EXOSC9: variants seen among roughly 807,000 people sequenced by gnomAD.
EXOSC9 encodes the protein exosome component 9, also known as exosome complex component RRP45.
A neutral mutation model predicts 56.5 loss-of-function variants in EXOSC9; 38 were observed. The ratio of observed to expected loss-of-function variants is 0.67; its 90% CI spans 0.52 to 0.88. The LOEUF is 0.88. Ranked by LOEUF, EXOSC9 falls within the 40% of genes least tolerant of loss-of-function variation. EXOSC9 has a pLI of 0.00. For synonymous variants in EXOSC9, 170 were observed against 170.8 expected (o/e 0.99, Z 0.04); for missense variants, 559 against 530.5 (o/e 1.05, Z -0.53).
At chr4:121,816,247 C>G in intron 10 of EXOSC9, 122 bp from the exon 11 acceptor site, 1 of 650,056 alleles carries the variant, frequency 1.5e-6, no homozygotes, top group Non-Finnish European at 2.6e-6. Context: ...GTGTGAGCCA[C>G]CACGCCCAGC....
chr4:121,813,945 G>A lies in EXOSC9; in HGVS notation c.1054G>A (p.Asp352Asn). ...GVENSWGDLE[D>N]SEKEDDEGGG... ...AGAAAACTCCTGGGGTGATCTTGAA[G>A]ACTCTGAGAAGGAAGATGATGAAGG... Residue 352 changes from aspartate to asparagine, a missense_variant, in exon 10 of 12, where the codon GAC (aspartate) becomes AAC (asparagine). Transcript: ENST00000243498. 6.2e-7 allele frequency: 1 copy of A among 1,613,660 alleles called. No individual in the cohort carries two copies. Among genetic ancestry groups the A allele is most frequent in the African/African-American group, 1.3e-5 (1 of 75,014 alleles).
At chr4:121,815,552 C>A in intron 10 of EXOSC9, 6 of 985,184 alleles carry the variant, frequency 6.1e-6, no homozygotes, top group Non-Finnish European at 7.2e-6. Context: ...GAAAAATGGG[C>A]AAAATACATG....
Position 121,814,048 on chromosome 4 carries a change from GT to G in EXOSC9, c.1156+2del. On this transcript the variant is annotated splice_donor_variant, in intron 10 of 11. Transcript: ENST00000243498. LOFTEE classifies it high-confidence loss of function. ...GAAGTCTCTGATATTGGAAGCCAAG[GT>G]AGGTGACACTTTATGGCACACTTAC... 4 of 1,588,096 alleles carry G rather than the reference GT, an allele frequency of 2.5e-6. No homozygotes were observed. The highest frequency in any genetic ancestry group is 3.4e-6 in the Non-Finnish European group (4 of 1,170,400).
chr4:121,815,100 T>C (rs986489065), intron 10 of EXOSC9: 1 of 152,562 alleles, frequency 6.6e-6, no homozygotes, highest in Admixed American at 6.5e-5. Flanking sequence ...GGAAAAAATT[T>C]CCCATTGATT....
intron 5 of EXOSC9, among the ~76,000 whole-genome samples, chr4:121,805,408 A>G (rs1315918784): frequency 6.6e-6 from 1 of 152,240 alleles, no homozygotes; most frequent in Non-Finnish European, 1.5e-5. Context: ...TATATAAATT[A>G]CATGCTAGAA....
chr4:121,805,646 CT>C (rs1467643172), intron 5 of EXOSC9, among the ~76,000 whole-genome samples: 3 of 152,180 alleles, frequency 2.0e-5, no homozygotes, highest in South Asian at 2.1e-4. Context: ...AAAGCGATTA[CT>C]ACACTTGAAA....
At chr4:121,816,700 G>GAAATGCCTCTT (rs1314080185) in intron 11 of EXOSC9, 72 bp from the exon 12 acceptor site, 27 of 1,439,860 alleles carry the variant, frequency 1.9e-5, no homozygotes, top group Non-Finnish European at 2.4e-5. Context: ...GGAAAACTAA[G>GAAATGCCTCTT]AAATGCCTCT....
At chr4:121,808,876 C>T (rs1028126888) in intron 6 of EXOSC9, among the ~76,000 whole-genome samples, 32 of 152,010 alleles carry the variant, frequency 2.1e-4, no homozygotes, top group Middle Eastern at 3.4e-3. Flanking sequence ...GATTTCACTA[C>T]GTTGCCCAGG....
intron 10 of EXOSC9, chr4:121,814,309 C>G (rs1257929926): frequency 1.4e-5 from 3 of 211,820 alleles, no homozygotes. Flanking sequence ...TAAATTTCAA[C>G]TAAATTATTG....
In EXOSC9 at chr4:121,802,971, C is replaced by T. The variant is rs762848428; in HGVS notation, c.338C>T (p.Ser113Leu). ...CTCATGGAAAGATGTCTAAGAAATTCGAAGTGTATAGACACTGAGTCTCTC... is the reference window on the plus strand; with the variant it reads ...CTCATGGAAAGATGTCTAAGAAATTTGAAGTGTATAGACACTGAGTCTCTC... ...NRLMERCLRN[S>L]KCIDTESLCV... Residue 113 changes from serine (S) to leucine (L), a missense_variant, in exon 4 of 12, where the codon TCG becomes TTG. Ser to Leu is a moderately radical substitution (Grantham distance 145). Coordinates refer to ENST00000243498, the MANE Select transcript of EXOSC9 (RefSeq NM_005033.3). 11 of 1,613,766 alleles carry T rather than the reference C, an allele frequency of 6.8e-6. No individual in the cohort carries two copies. Among genetic ancestry groups the T allele is most frequent in the Non-Finnish European group, 7.6e-6 (9 of 1,179,908 alleles).
rs746263954 is a variant in EXOSC9 at position 121,802,900 on chromosome 4, A to G, written c.282-15A>G. On this transcript the variant is annotated splice_polypyrimidine_tract_variant and intron_variant, in intron 3 of 11. Coordinates refer to ENST00000243498, the MANE Select transcript of EXOSC9 (RefSeq NM_005033.3). ...TATTTCATGACATTAGCCCATTCCTATTTTCTCCTTATAGGCAGTCAGATC... is the reference window on the plus strand; with the variant it reads ...TATTTCATGACATTAGCCCATTCCTGTTTTCTCCTTATAGGCAGTCAGATC... The G allele has an allele frequency of 6.2e-6, 10 of 1,612,602 alleles. No individual in the cohort carries two copies. The highest frequency in any genetic ancestry group is 8.5e-6 in the Non-Finnish European group (10 of 1,178,876).
rs568316089 is a variant in EXOSC9, at chr4:121,812,234, G to A, written c.827+563G>A. Among the ~76,000 whole-genome samples, 3 of 152,288 alleles carry A rather than the reference G, an allele frequency of 2.0e-5. No individual in the cohort carries two copies. The South Asian group carries it at 6.2e-4, about 32-fold the overall frequency. On this transcript the variant is annotated intron_variant, in intron 8 of 11. Coordinates refer to ENST00000243498, the MANE Select transcript of EXOSC9 (RefSeq NM_005033.3). ...CAATAAAGAGGAAAGACCCTCCTAAGAGCAAGAGGTCTTCATTAATCCAGA... is the reference window on the plus strand; with the variant it reads ...CAATAAAGAGGAAAGACCCTCCTAAAAGCAAGAGGTCTTCATTAATCCAGA...
intron 6 of EXOSC9, 26 bp downstream of exon 6, chr4:121,807,648 A>G (rs1469245926): frequency 2.2e-6 from 3 of 1,384,306 alleles, no homozygotes; most frequent in African/African-American, 1.4e-5. Flanking sequence ...TTATGGGCCA[A>G]AATTACAAAT....
chr4:121,801,656 G>A, intron 1 of EXOSC9, 166 bp downstream of exon 1: 1 of 790,208 alleles, frequency 1.3e-6, no homozygotes, highest in Non-Finnish European at 2.1e-6. Flanking sequence ...TTCTTTTCAA[G>A]GCTCCAGTCA....
chr4:121,813,925 A>G lies in EXOSC9; in HGVS notation c.1034A>G (p.Asn345Ser), dbSNP rs963357147. ...GCCCAAATTGGAGAGGGAGTAGAAA[A>G]CTCCTGGGGTGATCTTGAAGACTCT... The part of the protein sequence containing the change: ...GTAQIGEGVE[N>S]SWGDLEDSEK... The change falls in exon 10 of 12, where the codon AAC (asparagine) becomes AGC (serine). Residue 345 changes from asparagine (N) to serine (S), a missense_variant. By Grantham distance (46) the Asn-to-Ser change is conservative (BLOSUM62 1). Transcript: ENST00000243498. 1 of 1,612,928 alleles carries G rather than the reference A, an allele frequency of 6.2e-7. No homozygotes were observed. The highest frequency in any genetic ancestry group is 8.5e-7 in the Non-Finnish European group (1 of 1,179,342).
rs9998785 is a variant in EXOSC9 at position 121,807,810 on chromosome 4, A to T, written c.605+188A>T. On this transcript the variant is annotated intron_variant, in intron 6 of 11. Coordinates refer to ENST00000243498, the MANE Select transcript of EXOSC9 (RefSeq NM_005033.3). Reference sequence around the variant, plus strand: ...TCTCAGTAGAAGTAACAAAACTCTTATACTTTGATGAAGATACTTCCCAAC... The same window carrying T: ...TCTCAGTAGAAGTAACAAAACTCTTTTACTTTGATGAAGATACTTCCCAAC... 0.36 allele frequency: 212,938 copies of T among 596,390 alleles called. 41,262 individuals are homozygous for T. Among genetic ancestry groups the T allele is most frequent in the East Asian group, 0.49 (17,703 of 35,872 alleles). 36.9% of individuals were successfully genotyped at this position (596,390 alleles called of 1,614,324 possible). A position where few individuals can be genotyped will look rare whatever the true frequency, so the allele number is the denominator to read the frequency against.
Position 121,812,429 on chromosome 4 carries a change from G to A in EXOSC9, c.827+758G>A, listed in dbSNP as rs916110001. ...CTATTTAATGTGTTTTTAGAAAATT[G>A]GACTTGTTATATTTTCTGCAATTTA... On this transcript the variant is annotated intron_variant, in intron 8 of 11. Transcript: ENST00000243498. 1.1e-4 allele frequency among the ~76,000 whole-genome samples: 17 copies of A among 151,988 alleles called. No homozygotes were observed. The East Asian group carries it at 1.7e-3, about 16-fold the overall frequency.
intron 9 of EXOSC9, 129 bp downstream of exon 9, chr4:121,813,509 TTAAAA>T: frequency 1.4e-6 from 1 of 713,778 alleles, no homozygotes; most frequent in South Asian, 1.8e-5. Flanking sequence ...GAGAAAACAC[TTAAAA>T]TACAAGATAG....
chr4:121,816,785 A>G lies in EXOSC9; in HGVS notation c.1249A>G (p.Ser417Gly). 6.3e-7 allele frequency: 1 copy of G among 1,598,242 alleles called. No individual in the cohort carries two copies. The highest frequency in any genetic ancestry group is 8.5e-7 in the Non-Finnish European group (1 of 1,172,910). ...NPKKIRTQTT[S>G]AKQEKAPSKK... The stretch of plus-strand genomic sequence containing the variant: ...CTTTATTCACAGAACACAGACCACC[A>G]GTGCAAAACAAGAAAAAGCACCAAG... Residue 417 changes from serine to glycine, a missense_variant, in exon 12 of 12, where the codon AGT (serine) becomes GGT (glycine). By Grantham distance (56) the Ser-to-Gly change is moderately conservative. Coordinates refer to ENST00000243498, the MANE Select transcript of EXOSC9 (RefSeq NM_005033.3).
Sources: allele counts gnomAD v4.1 joint callset (sites outside exome capture counted in the v4.1 genomes callset), GRCh38; gene constraint gnomAD v4.1.1; transcripts MANE v1.5; gene names NCBI Gene and HGNC (gene_info 2026-07-23, HGNC 2026-07-21).